The following PLXDC2 variants were observed in gnomAD, a reference collection of about 807,000 sequenced individuals.
PLXDC2 encodes the protein plexin domain containing 2.
Under a neutral mutation model 68.9 loss-of-function variants are expected in PLXDC2, and 40 were observed. The observed-to-expected ratio is 0.58, with a 90% CI of 0.45 to 0.76. The LOEUF is 0.76. Among genes scored for constraint, PLXDC2 ranks in the 30% least tolerant of loss-of-function variants. The pLI is 0.00. For missense variants in PLXDC2, 644 were observed against 661.9 expected (o/e 0.97, Z 0.30); for synonymous variants, 243 against 234.2 (o/e 1.04, Z -0.34).
rs1014298211 is a variant in PLXDC2 at position 19,861,555 on chromosome 10, T to C, written c.112+44364T>C. ...CCTTTTCAGCCTCAATTTATGCCTC[T>C]CCATTCTCAGCTTCCCCTAAATGAG... On this transcript the variant is annotated intron_variant, in intron 1 of 13. Coordinates refer to ENST00000377252, the MANE Select transcript of PLXDC2 (RefSeq NM_032812.9). Among the ~76,000 whole-genome samples, 4 of 152,166 alleles carry C rather than the reference T, an allele frequency of 2.6e-5. No individual in the cohort carries two copies. In the East Asian group the frequency reaches 7.7e-4, roughly 29 times the overall value.
At chr10:19,856,515 G>A (rs1387466794) in intron 1 of PLXDC2, among the ~76,000 whole-genome samples, 2 of 152,072 alleles carry the variant, frequency 1.3e-5, no homozygotes, top group Non-Finnish European at 2.9e-5. Flanking sequence ...GATGGGCATT[G>A]AGAACTTTCT....
chr10:19,865,497 CT>C (rs1837396707), intron 1 of PLXDC2, among the ~76,000 whole-genome samples: 1 of 152,140 alleles, frequency 6.6e-6, no homozygotes, highest in Non-Finnish European at 1.5e-5. Context: ...CAAAGATAGC[CT>C]CTTTGGTTTT....
chr10:19,856,019 T>A (rs948678321), intron 1 of PLXDC2, among the ~76,000 whole-genome samples: 2 of 152,114 alleles, frequency 1.3e-5, no homozygotes, highest in African/African-American at 2.4e-5. Context: ...TGCTTGAACC[T>A]GGGAGGTGGA....
intron 1 of PLXDC2, among the ~76,000 whole-genome samples, chr10:19,891,023 C>T (rs1419003290): frequency 6.6e-6 from 1 of 152,012 alleles, no homozygotes; most frequent in African/African-American, 2.4e-5. Flanking sequence ...AACTTCTGAC[C>T]TCATTTCTTT....
In PLXDC2 at chr10:20,284,312, C is replaced by CATATATATATATATAT. The variant is rs747835988; in HGVS notation, c.*4497_*4512dup. 27 of 125,320 alleles carry CATATATATATATATAT rather than the reference C, an allele frequency of 2.2e-4. No homozygotes were observed. The highest frequency in any genetic ancestry group is 5.4e-4 in the African/African-American group (17 of 31,496). The allele number at this position is 125,320 out of a possible 1,614,324, so 7.8% of individuals were successfully genotyped here. On this transcript the variant is annotated 3_prime_UTR_variant, in exon 14 of 14. Coordinates refer to ENST00000377252, the MANE Select transcript of PLXDC2 (RefSeq NM_032812.9). Reference sequence around the variant, plus strand: ...GTGAGACCCATCTCTATCAAATATACATATATATATATATATATACACACA... The same window carrying CATATATATATATATAT: ...GTGAGACCCATCTCTATCAAATATACATATATATATATATATATATATATATATATATATACACACA...
At chr10:20,120,998 A>G (rs1564322379) in intron 4 of PLXDC2, among the ~76,000 whole-genome samples, 1 of 152,134 alleles carries the variant, frequency 6.6e-6, no homozygotes, top group South Asian at 2.1e-4. Context: ...TGGATCAGAG[A>G]GATACAGTCA....
At chr10:20,097,430 G>A in intron 4 of PLXDC2, among the ~76,000 whole-genome samples, 1 of 152,050 alleles carries the variant, frequency 6.6e-6, no homozygotes, top group Non-Finnish European at 1.5e-5. Flanking sequence ...GCTGGTTAGA[G>A]ATACTATTAC....
chr10:19,855,637 C>CA (rs1243576584), intron 1 of PLXDC2, among the ~76,000 whole-genome samples: 1 of 152,176 alleles, frequency 6.6e-6, no homozygotes, highest in Non-Finnish European at 1.5e-5. Context: ...CTCCAATGGA[C>CA]ATTTCCTTTG....
intron 1 of PLXDC2, among the ~76,000 whole-genome samples, chr10:19,869,887 A>G (rs1322356586): frequency 6.6e-6 from 1 of 152,160 alleles, no homozygotes; most frequent in East Asian, 1.9e-4. Flanking sequence ...AGGATTCATT[A>G]TGGAGGAATA....
At chr10:20,212,051 C>A (rs1379251910) in intron 10 of PLXDC2, among the ~76,000 whole-genome samples, 3 of 151,804 alleles carry the variant, frequency 2.0e-5, no homozygotes, top group Non-Finnish European at 2.9e-5. Flanking sequence ...CTGTCACTAC[C>A]CCCATATTAC....
intron 7 of PLXDC2, among the ~76,000 whole-genome samples, chr10:20,168,371 G>GT (rs1373231456): frequency 6.6e-6 from 1 of 152,092 alleles, no homozygotes; most frequent in African/African-American, 2.4e-5. Flanking sequence ...TAAAGTTACT[G>GT]TTTTTTCCAT....
intron 3 of PLXDC2, among the ~76,000 whole-genome samples, chr10:20,052,048 C>T (rs1035486922): frequency 1.1e-4 from 17 of 151,802 alleles, no homozygotes; most frequent in Admixed American, 3.9e-4. Flanking sequence ...ACACCGCACA[C>T]GACCACACAC....
chr10:20,190,724 A>G (rs763992218), intron 9 of PLXDC2, among the ~76,000 whole-genome samples: 2 of 151,760 alleles, frequency 1.3e-5, no homozygotes, highest in Non-Finnish European at 1.5e-5. Flanking sequence ...TTATGGTTTG[A>G]TTATTTGTTT....
chr10:20,248,985 T>G (rs762980296), intron 13 of PLXDC2, among the ~76,000 whole-genome samples: 2 of 152,232 alleles, frequency 1.3e-5, no homozygotes, highest in Non-Finnish European at 2.9e-5. Flanking sequence ...CCATTTATAG[T>G]TCCAGCATGC....
At chr10:20,017,281 T>C (rs1326396960) in intron 2 of PLXDC2, among the ~76,000 whole-genome samples, 2 of 152,074 alleles carry the variant, frequency 1.3e-5, no homozygotes, top group African/African-American at 2.4e-5. Flanking sequence ...GGCAGCTAAG[T>C]AGAATAAAGG....
At chr10:19,989,711 A>C (rs564400479) in intron 1 of PLXDC2, among the ~76,000 whole-genome samples, 2 of 151,218 alleles carry the variant, frequency 1.3e-5, no homozygotes, top group East Asian at 3.9e-4. Context: ...ATTTTAATTT[A>C]ATAATTTTAT....
At chr10:20,182,416 A>G (rs544039020) in intron 9 of PLXDC2, among the ~76,000 whole-genome samples, 3 of 152,110 alleles carry the variant, frequency 2.0e-5, no homozygotes, top group African/African-American at 7.2e-5. Context: ...AATCCATACT[A>G]TACTAGTTCA....
chr10:20,000,847 C>T (rs1472686588), intron 1 of PLXDC2, among the ~76,000 whole-genome samples: 1 of 152,116 alleles, frequency 6.6e-6, no homozygotes, highest in Non-Finnish European at 1.5e-5. Flanking sequence ...TTCTAAAACC[C>T]GTCCATTCAT....
intron 1 of PLXDC2, among the ~76,000 whole-genome samples, chr10:19,830,434 T>G (rs1270893754): frequency 6.6e-6 from 1 of 152,214 alleles, no homozygotes; most frequent in African/African-American, 2.4e-5. Context: ...TTTCTTACCT[T>G]GGCTTTTACT....
Sources: allele counts gnomAD v4.1 joint callset (sites outside exome capture counted in the v4.1 genomes callset), GRCh38; gene constraint gnomAD v4.1.1; transcripts MANE v1.5; gene names NCBI Gene and HGNC (gene_info 2026-07-23, HGNC 2026-07-21).